The following STK11IP variants were observed in gnomAD, a reference collection of about 807,000 sequenced individuals.
The protein encoded by STK11IP is serine/threonine kinase 11 interacting protein, also known as serine/threonine-protein kinase 11-interacting protein.
A neutral mutation model predicts 131.7 loss-of-function variants in STK11IP; 103 were observed. The ratio of observed to expected loss-of-function variants is 0.78; its 90% CI spans 0.67 to 0.92. The LOEUF (loss-of-function observed/expected upper bound fraction) is 0.92, where lower values mean the gene tolerates loss of function less well. Ranked by LOEUF, STK11IP falls within the 40% of genes least tolerant of loss-of-function variation. The pLI is 0.00. For missense variants in STK11IP, 1,315 were observed against 1,385.7 expected (o/e 0.95, Z 0.81); for synonymous variants, 557 against 575.6 (o/e 0.97, Z 0.46).
At chr2:219,609,254 T>A (rs773650794) in intron 16 of STK11IP, 41 bp downstream of exon 16, 1 of 1,575,254 alleles carries the variant, frequency 6.3e-7, no homozygotes, top group African/African-American at 1.3e-5. Flanking sequence ...GCTGTGGGGA[T>A]TAAGAGAGCC....
rs11405075 is a variant in STK11IP, at chr2:219,601,622, G to GTTTT, written c.268-7_268-4dup. 623 of 1,488,544 alleles carry GTTTT rather than the reference G, an allele frequency of 4.2e-4. No individual in the cohort carries two copies. Among genetic ancestry groups the GTTTT allele is most frequent in the South Asian group, 1.6e-3 (130 of 80,036 alleles). 92.2% of individuals were successfully genotyped at this position (1,488,544 alleles called of 1,614,324 possible). A position where few individuals can be genotyped will look rare whatever the true frequency, so the allele number is the denominator to read the frequency against. On this transcript the variant is annotated intron_variant, in intron 3 of 24. Coordinates refer to ENST00000456909, the MANE Select transcript of STK11IP (RefSeq NM_052902.4). ...GATCTGCTGTGCCTCAGTAAATTGAGTTTTTTTTTTTTTTTCAGCTGGTCC... is the reference window on the plus strand; with the variant it reads ...GATCTGCTGTGCCTCAGTAAATTGAGTTTTTTTTTTTTTTTTTTTCAGCTGGTCC...
chr2:219,614,169 C>T lies in STK11IP; in HGVS notation c.2725C>T (p.Gln909Ter), dbSNP rs1240305323. 3 of 1,613,378 alleles carry T rather than the reference C, an allele frequency of 1.9e-6. No homozygotes were observed. The highest frequency in any genetic ancestry group is 2.2e-5 in the South Asian group (2 of 91,094). Residue 909 changes from glutamine to a stop codon, truncating the protein, a stop_gained, in exon 22 of 25, where the codon CAG becomes TAG. Coordinates refer to ENST00000456909, the MANE Select transcript of STK11IP (RefSeq NM_052902.4). LOFTEE classifies it high-confidence loss of function. ...AFLEELLDVL[Q>*]SLPPAWRNCV... ...GGCCTGCCTCTGTCTAGATGTCTTG[C>T]AGTCTCTGCCCCCTGCCTGGAGGAA...
chr2:219,607,919 G>A, intron 13 of STK11IP, 128 bp from the exon 14 acceptor site: 1 of 1,288,782 alleles, frequency 7.8e-7, no homozygotes, highest in South Asian at 1.5e-5. Context: ...GGGGACGCCT[G>A]TAGCCTCCCT....
chr2:219,611,811 A>G lies in STK11IP; in HGVS notation c.2312A>G (p.His771Arg), dbSNP rs201356919. The G allele has an allele frequency of 1.5e-4, 242 of 1,612,814 alleles. 1 individual carries two copies. In the African/African-American group the frequency reaches 2.3e-3, roughly 16 times the overall value. The change falls in exon 18 of 25, where the codon CAT becomes CGT. Residue 771 changes from histidine to arginine, a missense_variant. His to Arg is a conservative substitution (Grantham distance 29). Coordinates refer to ENST00000456909, the MANE Select transcript of STK11IP (RefSeq NM_052902.4). The part of the protein sequence containing the change: ...SPPQAPSTRD[H>R]GSWSLSPPPE... The stretch of plus-strand genomic sequence containing the variant: ...CCTCAGGCACCGAGCACCCGTGACC[A>G]TGGTAGTTGGAGCCTCAGTCCCCGT...
chr2:219,598,246 G>A, intron 2 of STK11IP, 66 bp downstream of exon 2: 4 of 1,220,208 alleles, frequency 3.3e-6, no homozygotes, highest in Non-Finnish European at 4.6e-6. Context: ...GCTTTCTGGA[G>A]ACACGCCCTG....
chr2:219,614,370 C>G, intron 22 of STK11IP, 106 bp from the exon 23 acceptor site: 2 of 1,507,942 alleles, frequency 1.3e-6, no homozygotes, highest in Admixed American at 1.7e-5. Flanking sequence ...TTATGGGCCC[C>G]TAGTGTCTCC....
At chr2:219,605,505 TTATA>T in intron 7 of STK11IP, 99 bp from the exon 8 acceptor site, 26 of 1,227,726 alleles carry the variant, frequency 2.1e-5, no homozygotes, top group Non-Finnish European at 2.9e-5. Flanking sequence ...GTGTGCAGTT[TTATA>T]TAGGCCAAGG....
rs766820320 is a variant in STK11IP at position 219,608,636 on chromosome 2, C to T, written c.1657C>T (p.Arg553Trp). 29 of 1,612,498 alleles carry T rather than the reference C, an allele frequency of 1.8e-5. No homozygotes were observed. Among genetic ancestry groups the T allele is most frequent in the Middle Eastern group, 1.6e-4 (1 of 6,082 alleles). The change falls in exon 15 of 25, where the codon CGG (arginine) becomes TGG (tryptophan). Residue 553 changes from arginine to tryptophan, a missense_variant. Arg to Trp is a moderately radical substitution (Grantham distance 101). Coordinates refer to ENST00000456909, the MANE Select transcript of STK11IP (RefSeq NM_052902.4). Reference protein sequence around the residue: ...VCPLEGPEGVRGRECFLRVTS... With the variant: ...VCPLEGPEGVWGRECFLRVTS... ...TCCCCTGGAGGGGCCTGAGGGCGTA[C>T]GGGGCAGGGAATGCTTTCTCAGGGT...
intron 24 of STK11IP, chr2:219,615,787 C>G (rs1488590518): frequency 1.4e-6 from 1 of 693,560 alleles, no homozygotes; most frequent in Non-Finnish European, 2.7e-6. Flanking sequence ...CCACAGTTCC[C>G]TGAAATTGAG....
At chr2:219,602,159 C>G in intron 5 of STK11IP, 76 bp downstream of exon 5, 1 of 1,071,578 alleles carries the variant, frequency 9.3e-7, no homozygotes, top group African/African-American at 1.6e-5. Flanking sequence ...GTTCTCCCCT[C>G]TCTGCAGCTC....
intron 20 of STK11IP, among the ~76,000 whole-genome samples, 181 bp from the exon 21 acceptor site, chr2:219,613,571 T>TG (rs1336304433): frequency 5.1e-5 from 1 of 19,456 alleles, no homozygotes; most frequent in Non-Finnish European, 9.7e-5. Context: ...AGGGGGGAGA[T>TG]GGGGTGAGTG....
In STK11IP at chr2:219,608,581, A is replaced by T. The variant is rs757877397; in HGVS notation, c.1604-2A>T. ...AGGCCTTTTCTCTTGGTCTCTCCAC[A>T]GCGGAACTCTGTCGCCCCTTGTTGG... On this transcript the variant is annotated splice_acceptor_variant, in intron 14 of 24. Coordinates refer to ENST00000456909, the MANE Select transcript of STK11IP (RefSeq NM_052902.4). LOFTEE classifies it high-confidence loss of function. The T allele has an allele frequency of 6.3e-7, 1 of 1,587,826 alleles. No homozygotes were observed. The highest frequency in any genetic ancestry group is 8.6e-7 in the Non-Finnish European group (1 of 1,165,486).
intron 5 of STK11IP, 100 bp downstream of exon 5, chr2:219,602,183 C>A: frequency 1.1e-6 from 1 of 890,420 alleles, no homozygotes; most frequent in Non-Finnish European, 1.8e-6. Context: ...CTGCCTCCTG[C>A]TTCCCTCTAG....
chr2:219,612,970 A>AGC, intron 19 of STK11IP, 158 bp from the exon 20 acceptor site: 2 of 611,604 alleles, frequency 3.3e-6, no homozygotes, highest in Non-Finnish European at 5.9e-6. Context: ...GCGGTGGTGG[A>AGC]TGAAGAGGCT....
chr2:219,613,284 T>TG (rs1156643700), intron 20 of STK11IP, 59 bp downstream of exon 20: 9 of 90,612 alleles, frequency 9.9e-5, no homozygotes, highest in Admixed American at 4.2e-4. Context: ...TGGGGGGAGA[T>TG]GGGGGAGTGA....
intron 7 of STK11IP, among the ~76,000 whole-genome samples, chr2:219,605,121 C>T (rs985445605): frequency 2.0e-5 from 3 of 152,202 alleles, no homozygotes; most frequent in African/African-American, 7.2e-5. Context: ...TGAGCCACTG[C>T]ACCTGGCCGG....
Position 219,615,101 on chromosome 2 carries a change from C to T in STK11IP, c.2877C>T (p.Ser959=), listed in dbSNP as rs756464623. The T allele has an allele frequency of 5.6e-6, 9 of 1,608,810 alleles. No homozygotes were observed. Among genetic ancestry groups the T allele is most frequent in the African/African-American group, 1.3e-5 (1 of 74,898 alleles). ...YLRAFLVEGP[S]TCLVSLLLTP... ...ATGCCTCTTTCCCTGCAGGCCCTTC[C>T]ACCTGCCTCGTATCCCTGTTGCTGA... Residue 959 remains serine (S), a synonymous_variant, in exon 24 of 25, where the codon TCC becomes TCT. Transcript: ENST00000456909.
At position 219,615,346 on chromosome 2, in the gene STK11IP, G is replaced by A. The variant is rs1324433103; in HGVS notation, c.3117+5G>A. On this transcript the variant is annotated splice_donor_5th_base_variant and intron_variant, in intron 24 of 24. Coordinates refer to ENST00000456909, the MANE Select transcript of STK11IP (RefSeq NM_052902.4). ...CGGCTGCTCTTCTACGATGAGGTGTGTATGTGTATCTCCAGTGAGAGGGAG... is the reference window on the plus strand; with the variant it reads ...CGGCTGCTCTTCTACGATGAGGTGTATATGTGTATCTCCAGTGAGAGGGAG... 1.5e-5 allele frequency: 24 copies of A among 1,594,824 alleles called. No homozygotes were observed. Among genetic ancestry groups the A allele is most frequent in the Non-Finnish European group, 2.0e-5 (23 of 1,174,490 alleles).
rs780435951 is a variant in STK11IP at position 219,615,106 on chromosome 2, G to C, written c.2882G>C (p.Cys961Ser). 1.9e-6 allele frequency: 3 copies of C among 1,609,090 alleles called. No homozygotes were observed. Among genetic ancestry groups the C allele is most frequent in the Non-Finnish European group, 2.5e-6 (3 of 1,178,912 alleles). The change falls in exon 24 of 25, where the codon TGC becomes TCC. Residue 961 changes from cysteine (C) to serine (S), a missense_variant. By Grantham distance (112) the Cys-to-Ser change is moderately radical. Coordinates refer to ENST00000456909, the MANE Select transcript of STK11IP (RefSeq NM_052902.4). ...TCTTTCCCTGCAGGCCCTTCCACCT[G>C]CCTCGTATCCCTGTTGCTGACTCCG... ...RAFLVEGPST[C>S]LVSLLLTPST...
Sources: gnomAD v4.1 joint callset for allele counts (sites outside exome capture counted in the v4.1 genomes callset) on GRCh38, gnomAD v4.1.1 for gene constraint, MANE v1.5 for transcripts, NCBI Gene and HGNC (gene_info 2026-07-23, HGNC 2026-07-21) for gene names.